NR4A2: variants seen among roughly 807,000 people sequenced by gnomAD.
NR4A2 encodes the protein NGFI-B/nur77 beta-type transcription factor homolog.
A neutral mutation model predicts 50.5 loss-of-function variants in NR4A2; 1 was observed. The observed-to-expected ratio is 0.02, with a 90% CI of 0.01 to 0.09. NR4A2 has a LOEUF of 0.09. Among genes scored for constraint, NR4A2 ranks in the 10% least tolerant of loss-of-function variants. The pLI, the probability that NR4A2 is intolerant of heterozygous loss-of-function variation, is 1.00. For missense variants in NR4A2, 613 were observed against 777.3 expected, an observed-to-expected ratio of 0.79 and a Z score of 2.51; for synonymous variants, 328 against 309.4, an observed-to-expected ratio of 1.06 and a Z score of -0.63.
At position 156,329,411 on chromosome 2, in the gene NR4A2, T is replaced by G. The variant is rs1264385831; in HGVS notation, c.776A>C (p.Asn259Thr). Residue 259 changes from asparagine to threonine, a missense_variant, in exon 3 of 8, where the codon AAC becomes ACC. Transcript: ENST00000339562. The surrounding 1 kb of genome is among the most constrained non-coding windows in gnomAD (Gnocchi z 7.5). Reference sequence around the variant, plus strand: ...CCCACACACAGCGCACAGCCCCTCGTTGGAGGGGGAGCCCCGCGACGGCGG... The same window carrying G: ...CCCACACACAGCGCACAGCCCCTCGGTGGAGGGGGAGCCCCGCGACGGCGG... ...PSPPSRGSPSNEGLCAVCGDN... is the reference protein window; with the variant it reads ...PSPPSRGSPSTEGLCAVCGDN... 6 of 1,610,560 alleles carry G rather than the reference T, an allele frequency of 3.7e-6. No homozygotes were observed. Among genetic ancestry groups the G allele is most frequent in the African/African-American group, 1.3e-5 (1 of 74,904 alleles).
In NR4A2 at chr2:156,328,107, C is replaced by T; in HGVS notation, c.995-93G>A. The T allele has an allele frequency of 5.3e-6, 8 of 1,520,722 alleles. No individual in the cohort carries two copies. The highest frequency in any genetic ancestry group is 7.1e-6 in the Non-Finnish European group (8 of 1,120,066). 94.2% of individuals were successfully genotyped at this position (1,520,722 alleles called of 1,614,324 possible). A position where few individuals can be genotyped will look rare whatever the true frequency, so the allele number is the denominator to read the frequency against. ...CCCGGGGAAGGCCGCAGCCGCGGGG[C>T]ACCAGGCTGAGCGGCTGAGGGCCCC... On this transcript the variant is annotated intron_variant, in intron 4 of 7. Transcript: ENST00000339562. This position sits in a 1 kb window ranked among gnomAD's most constrained non-coding sequence, Gnocchi z 4.9.
At position 156,325,659 on chromosome 2, in the gene NR4A2, A is replaced by G; in HGVS notation, c.*85T>C. 4 of 1,547,594 alleles carry G rather than the reference A, an allele frequency of 2.6e-6. No homozygotes were observed. The highest frequency in any genetic ancestry group is 2.7e-6 in the Non-Finnish European group (3 of 1,121,728). Reference sequence around the variant, plus strand: ...GGCAGCTTGAGCTGAGACTGCTCACACGGCTATCTCTGCCCATGTGACTTG... The same window carrying G: ...GGCAGCTTGAGCTGAGACTGCTCACGCGGCTATCTCTGCCCATGTGACTTG... On this transcript the variant is annotated 3_prime_UTR_variant, in exon 8 of 8. Coordinates refer to ENST00000339562, the MANE Select transcript of NR4A2 (RefSeq NM_006186.4).
Position 156,329,785 on chromosome 2 carries a change from G to A in NR4A2, c.402C>T (p.Gly134=). 2 of 1,613,602 alleles carry A rather than the reference G, an allele frequency of 1.2e-6. No homozygotes were observed. The highest frequency in any genetic ancestry group is 1.7e-6 in the Non-Finnish European group (2 of 1,179,530). ...PSSPPTPTTP[G]FQVQHSPMWD... is the part of the protein sequence containing the mutation. ...ACATGGGGCTGTGCTGCACCTGGAA[G>A]CCCGGGGTGGTGGGCGTCGGGGGCG... Residue 134 remains glycine, a synonymous_variant, in exon 3 of 8, where the codon GGC becomes GGT. Coordinates refer to ENST00000339562, the MANE Select transcript of NR4A2 (RefSeq NM_006186.4). The surrounding 1 kb of genome is among the most constrained non-coding windows in gnomAD (Gnocchi z 7.5).
Position 156,326,458 on chromosome 2 carries a change from A to G in NR4A2, c.1362-130T>C. 1.1e-6 allele frequency: 1 copy of G among 946,420 alleles called. No homozygotes were observed. 58.6% of individuals were successfully genotyped at this position (946,420 alleles called of 1,614,324 possible). On this transcript the variant is annotated intron_variant, in intron 6 of 7. Transcript: ENST00000339562. This position sits in a 1 kb window ranked among gnomAD's most constrained non-coding sequence, Gnocchi z 4.2. The stretch of plus-strand genomic sequence containing the variant: ...TTACTGAAGAGTTAATAAAATGTAG[A>G]CCAGTGGACCTTGAAAGGGTTTAAT...
Position 156,328,084 on chromosome 2 carries a change from C to T in NR4A2, c.995-70G>A, listed in dbSNP as rs561438884. The T allele has an allele frequency of 1.3e-6, 2 of 1,553,944 alleles. No homozygotes were observed. The highest frequency in any genetic ancestry group is 1.2e-5 in the South Asian group (1 of 84,960). ...CCCAGCTGCTGCCTCGGTCCCTCCC[C>T]GGGGAAGGCCGCAGCCGCGGGGCAC... On this transcript the variant is annotated intron_variant, in intron 4 of 7. Transcript: ENST00000339562. The surrounding 1 kb of genome is among the most constrained non-coding windows in gnomAD (Gnocchi z 4.9).
intron 1 of NR4A2, among the ~76,000 whole-genome samples, chr2:156,332,162 AC>A (rs1341306487): frequency 6.6e-6 from 1 of 152,066 alleles, no homozygotes; most frequent in African/African-American, 2.4e-5. Context: ...TCAATTCCTC[AC>A]TAACAGCAAA....
chr2:156,327,499 T>A (rs1202125292), intron 5 of NR4A2, among the ~76,000 whole-genome samples: 2 of 151,974 alleles, frequency 1.3e-5, no homozygotes, highest in Non-Finnish European at 2.9e-5. Context: ...GGGAATAAAG[T>A]AGATTGGGAA....
rs2105601026 is a variant in NR4A2, at chr2:156,327,831, C to T, written c.1158+20G>A. 2 of 1,557,442 alleles carry T rather than the reference C, an allele frequency of 1.3e-6. No individual in the cohort carries two copies. The highest frequency in any genetic ancestry group is 1.2e-5 in the South Asian group (1 of 84,684). ...ATCTGTCGGTTTGTCCACATGATAT[C>T]CCCCCCGCCAGCTTCTTACCCTGGA... On this transcript the variant is annotated intron_variant, in intron 5 of 7. Coordinates refer to ENST00000339562, the MANE Select transcript of NR4A2 (RefSeq NM_006186.4).
chr2:156,329,795 G>T lies in NR4A2; in HGVS notation c.392C>A (p.Thr131Asn). 6.2e-7 allele frequency: 1 copy of T among 1,613,624 alleles called. No individual in the cohort carries two copies. The highest frequency in any genetic ancestry group is 8.5e-7 in the Non-Finnish European group (1 of 1,179,560). ...YYKPSSPPTP[T>N]TPGFQVQHSP... ...GTGCTGCACCTGGAAGCCCGGGGTG[G>T]TGGGCGTCGGGGGCGAGGAGGGCTT... The change falls in exon 3 of 8, where the codon ACC becomes AAC. Residue 131 changes from threonine to asparagine, a missense_variant. Thr to Asn is a moderately conservative substitution (Grantham distance 65, BLOSUM62 0). Transcript: ENST00000339562. The surrounding 1 kb of genome is among the most constrained non-coding windows in gnomAD (Gnocchi z 7.5).
rs16840238 is a variant in NR4A2 at position 156,326,106 on chromosome 2, T to C, written c.1540+44A>G. 8.7e-5 allele frequency: 141 copies of C among 1,613,626 alleles called. No individual in the cohort carries two copies. Among genetic ancestry groups the C allele is most frequent in the Middle Eastern group, 1.6e-4 (1 of 6,076 alleles). On this transcript the variant is annotated intron_variant, in intron 7 of 7. Coordinates refer to ENST00000339562, the MANE Select transcript of NR4A2 (RefSeq NM_006186.4). This position sits in a 1 kb window ranked among gnomAD's most constrained non-coding sequence, Gnocchi z 4.2. Reference sequence around the variant, plus strand: ...AAGGGAAACTCAGGACAAATCCTGCTAGGCAGTTCTGGAGGGGAAGCGCCC... The same window carrying C: ...AAGGGAAACTCAGGACAAATCCTGCCAGGCAGTTCTGGAGGGGAAGCGCCC...
rs781030113 is a variant in NR4A2, at chr2:156,330,166, C to T, written c.21G>A (p.Gln7=). Residue 7 remains glutamine, a synonymous_variant, in exon 3 of 8, where the codon CAG becomes CAA. Coordinates refer to ENST00000339562, the MANE Select transcript of NR4A2 (RefSeq NM_006186.4). The part of the protein sequence containing the change: MPCVQA[Q]YGSSPQGASP... Reference sequence around the variant, plus strand: ...TGGCTCCTTGAGGCGAGGACCCATACTGCGCCTGAACACAAGGCATGGCTG... The same window carrying T: ...TGGCTCCTTGAGGCGAGGACCCATATTGCGCCTGAACACAAGGCATGGCTG... 4.3e-6 allele frequency: 7 copies of T among 1,614,166 alleles called. 1 individual carries two copies. In the South Asian group the frequency reaches 7.7e-5, roughly 18 times the overall value.
Position 156,324,534 on chromosome 2 carries a change from A to G in NR4A2, c.*1210T>C, listed in dbSNP as rs1451179289. ...TCAGCATCTCTAACTGTCATACACCATAGAAAAAAAGGCAGTGACTCATAT... is the reference window on the plus strand; with the variant it reads ...TCAGCATCTCTAACTGTCATACACCGTAGAAAAAAAGGCAGTGACTCATAT... On this transcript the variant is annotated 3_prime_UTR_variant, in exon 8 of 8. Coordinates refer to ENST00000339562, the MANE Select transcript of NR4A2 (RefSeq NM_006186.4). 2 of 152,662 alleles carry G rather than the reference A, an allele frequency of 1.3e-5. No individual in the cohort carries two copies. The highest frequency in any genetic ancestry group is 2.4e-5 in the African/African-American group (1 of 41,466). The allele number at this position is 152,662 out of a possible 1,614,324, so 9.5% of individuals were successfully genotyped here. A position where few individuals can be genotyped will look rare whatever the true frequency, so the allele number is the denominator to read the frequency against.
At chr2:156,330,358 G>T (rs1383142112) in intron 2 of NR4A2, among the ~76,000 whole-genome samples, 170 bp from the exon 3 acceptor site, 5 of 152,088 alleles carry the variant, frequency 3.3e-5, no homozygotes, top group African/African-American at 1.2e-4. Flanking sequence ...AGTTTAGGGC[G>T]TGGAAAGACT....
rs560541077 is a variant in NR4A2, at chr2:156,326,561, T to A, written c.1361+157A>T. ...GCTTCTGGGCTCGCTTCTTCTCGTC[T>A]TTTTTTGTTTTCTTTCTTTTTCTTC... On this transcript the variant is annotated intron_variant, in intron 6 of 7. Transcript: ENST00000339562. This position sits in a 1 kb window ranked among gnomAD's most constrained non-coding sequence, Gnocchi z 4.2. Among the ~76,000 whole-genome samples, 1 of 152,278 alleles carries A rather than the reference T, an allele frequency of 6.6e-6. No homozygotes were observed. Among genetic ancestry groups the A allele is most frequent in the Admixed American group, 6.5e-5 (1 of 15,306 alleles).
intron 1 of NR4A2, among the ~76,000 whole-genome samples, chr2:156,331,107 C>T (rs749531482): frequency 1.3e-5 from 2 of 152,100 alleles, no homozygotes; most frequent in Non-Finnish European, 2.9e-5. Context: ...GTGGAGAGGT[C>T]ATTTCCATCT....
rs1686976238 is a variant in NR4A2 at position 156,332,467 on chromosome 2, T to G, written c.-127+13A>C. On this transcript the variant is annotated intron_variant, in intron 1 of 7. Transcript: ENST00000339562. ...ATAAAAGAAGGCGAACTGCATGGGC[T>G]GCATCTACTCACTTAGGAGTTCTCC... is the stretch of plus-strand genomic sequence containing the variant. 7.8e-7 allele frequency: 1 copy of G among 1,288,712 alleles called. No individual in the cohort carries two copies. The highest frequency in any genetic ancestry group is 1.0e-6 in the Non-Finnish European group (1 of 988,206). 79.8% of individuals were successfully genotyped at this position (1,288,712 alleles called of 1,614,324 possible).
At position 156,329,169 on chromosome 2, in the gene NR4A2, G is replaced by T. The variant is rs1313719596; in HGVS notation, c.864+154C>A. 6.6e-6 allele frequency among the ~76,000 whole-genome samples: 1 copy of T among 152,216 alleles called. No homozygotes were observed. The highest frequency in any genetic ancestry group is 1.5e-5 in the Non-Finnish European group (1 of 68,030). ...CCCGGAAGTCCCCGCCGCAGCCCATGGTCTCCTGCAGGGCAGCTTCGGCGG... is the reference window on the plus strand; with the variant it reads ...CCCGGAAGTCCCCGCCGCAGCCCATTGTCTCCTGCAGGGCAGCTTCGGCGG... On this transcript the variant is annotated intron_variant, in intron 3 of 7. Transcript: ENST00000339562. The surrounding 1 kb of genome is among the most constrained non-coding windows in gnomAD (Gnocchi z 7.5).
In NR4A2 at chr2:156,329,398, G is replaced by A. The variant is rs532429180; in HGVS notation, c.789C>T (p.Cys263=). 2 of 1,611,142 alleles carry A rather than the reference G, an allele frequency of 1.2e-6. No homozygotes were observed. The highest frequency in any genetic ancestry group is 2.2e-5 in the East Asian group (1 of 44,810). ...AGGCCGCGTTGTCCCCACACACAGC[G>A]CACAGCCCCTCGTTGGAGGGGGAGC... ...SRGSPSNEGL[C]AVCGDNAACQ... The change falls in exon 3 of 8, where the codon TGC becomes TGT. Residue 263 remains cysteine, a synonymous_variant. Transcript: ENST00000339562. The surrounding 1 kb of genome is among the most constrained non-coding windows in gnomAD (Gnocchi z 7.5).
Position 156,332,536 on chromosome 2 carries a change from T to A in NR4A2, c.-183A>T, listed in dbSNP as rs556747990. On this transcript the variant is annotated 5_prime_UTR_variant, in exon 1 of 8. Coordinates refer to ENST00000339562, the MANE Select transcript of NR4A2 (RefSeq NM_006186.4). ...TCAACTCTGCCGAAGTGCAGTTCCC[T>A]CTGGGAGCCCGGGCGCCGGGGTCGG... The A allele has an allele frequency of 3.1e-6, 4 of 1,288,742 alleles. No homozygotes were observed. In the African/African-American group the frequency reaches 4.5e-5, roughly 15 times the overall value. 79.8% of individuals were successfully genotyped at this position (1,288,742 alleles called of 1,614,324 possible).
Sources: allele counts gnomAD v4.1 joint callset (sites outside exome capture counted in the v4.1 genomes callset), GRCh38; gene constraint gnomAD v4.1.1; non-coding constraint Gnocchi (gnomAD v3.1); transcripts MANE v1.5; gene names NCBI Gene and HGNC (gene_info 2026-07-23, HGNC 2026-07-21).